The following KCNK13 variants were observed in gnomAD, a reference collection of about 807,000 sequenced individuals.
KCNK13 encodes the protein potassium two pore domain channel subfamily K member 13, also known as potassium channel subfamily K member 13.
Under a neutral mutation model 23.4 loss-of-function variants are expected in KCNK13, and 12 were observed. The observed-to-expected ratio is 0.51, with a 90% CI of 0.33 to 0.83. KCNK13 has a LOEUF of 0.83. Ranked by LOEUF, KCNK13 falls within the 40% of genes least tolerant of loss-of-function variation. KCNK13 has a pLI of 0.02. For synonymous variants in KCNK13, 231 were observed against 229.5 expected, an observed-to-expected ratio of 1.01 and a Z score of -0.06; for missense variants, 463 against 556.3, an observed-to-expected ratio of 0.83 and a Z score of 1.69.
At chr14:90,063,428 AC>A (rs1028521034) in intron 1 of KCNK13, among the ~76,000 whole-genome samples, 3 of 151,924 alleles carry the variant, frequency 2.0e-5, no homozygotes, top group African/African-American at 7.3e-5. Context: ...TCTGCGCCAC[AC>A]CCCTAAAGAT....
intron 1 of KCNK13, among the ~76,000 whole-genome samples, chr14:90,084,411 G>A (rs1196659685): frequency 6.6e-6 from 1 of 152,086 alleles, no homozygotes; most frequent in African/African-American, 2.4e-5. Flanking sequence ...CAAATGAAAT[G>A]GTTTTCTTGA....
intron 1 of KCNK13, among the ~76,000 whole-genome samples, chr14:90,156,413 C>T (rs1455245932): frequency 6.6e-6 from 1 of 151,960 alleles, no homozygotes; most frequent in Non-Finnish European, 1.5e-5. Flanking sequence ...GGAAGAAAAC[C>T]AGAGGAGACT....
intron 1 of KCNK13, among the ~76,000 whole-genome samples, chr14:90,148,900 A>C (rs895318086): frequency 6.6e-6 from 1 of 152,216 alleles, no homozygotes; most frequent in Non-Finnish European, 1.5e-5. Flanking sequence ...AATATTTTGC[A>C]CTGAATTACA....
At chr14:90,098,776 A>T (rs1889440272) in intron 1 of KCNK13, among the ~76,000 whole-genome samples, 1 of 151,960 alleles carries the variant, frequency 6.6e-6, no homozygotes, top group South Asian at 2.1e-4. Context: ...TTTTATATTT[A>T]CCGTTGAAAT....
At chr14:90,090,369 A>G (rs1152441) in intron 1 of KCNK13, among the ~76,000 whole-genome samples, 63,560 of 152,028 alleles carry the variant, frequency 0.42, 13,307 homozygotes, top group African/African-American at 0.44. Context: ...GGGGCCTGTA[A>G]CCCCTTTATT....
rs548640430 is a variant in KCNK13 at position 90,161,569 on chromosome 14, T to A, written c.335-22542T>A. Among the ~76,000 whole-genome samples, 7 of 152,284 alleles carry A rather than the reference T, an allele frequency of 4.6e-5. No homozygotes were observed. In the South Asian group the frequency reaches 1.5e-3, roughly 32 times the overall value. On this transcript the variant is annotated intron_variant, in intron 1 of 1. Transcript: ENST00000282146. ...GAAATGGGAATCAGTGTGACAAGAT[T>A]TGTGCAGAATTCATATGAAGTAATT...
chr14:90,155,878 G>A (rs1408385923), intron 1 of KCNK13, among the ~76,000 whole-genome samples: 1 of 152,124 alleles, frequency 6.6e-6, no homozygotes. Flanking sequence ...CGAGTATGGA[G>A]TTCGGCAGAA....
chr14:90,071,861 G>A (rs1366713661), intron 1 of KCNK13, among the ~76,000 whole-genome samples: 1 of 151,580 alleles, frequency 6.6e-6, no homozygotes, highest in Admixed American at 6.6e-5. Flanking sequence ...TCGCACCACT[G>A]CACTCCAGCC....
intron 1 of KCNK13, among the ~76,000 whole-genome samples, chr14:90,095,245 A>G (rs1889397309): frequency 6.6e-6 from 1 of 152,120 alleles, no homozygotes; most frequent in Non-Finnish European, 1.5e-5. Context: ...TTCTTTTCTC[A>G]GATGTCCTTT....
At chr14:90,102,424 C>G (rs886213854) in intron 1 of KCNK13, among the ~76,000 whole-genome samples, 3 of 152,148 alleles carry the variant, frequency 2.0e-5, no homozygotes, top group African/African-American at 7.2e-5. Flanking sequence ...AAGAATCTTG[C>G]CTGTGCTGCA....
intron 1 of KCNK13, among the ~76,000 whole-genome samples, chr14:90,153,380 T>C (rs140405231): frequency 6.6e-6 from 1 of 152,336 alleles, no homozygotes; most frequent in Non-Finnish European, 1.5e-5. Flanking sequence ...CTCTGTAAAA[T>C]AGAAACTTAA....
rs565234389 is a variant in KCNK13, at chr14:90,141,062, C to G, written c.335-43049C>G. On this transcript the variant is annotated intron_variant, in intron 1 of 1. Coordinates refer to ENST00000282146, the MANE Select transcript of KCNK13 (RefSeq NM_022054.4). ...CCCATCCCCTGGAAATGGGGGTTCT[C>G]CTGGACACTGTAGCTTCCCCAGGTC... Among the ~76,000 whole-genome samples the G allele has an allele frequency of 2.6e-5, 4 of 152,292 alleles. No homozygotes were observed. The South Asian group carries it at 8.3e-4, about 32-fold the overall frequency.
At chr14:90,141,196 A>T (rs2140428001) in intron 1 of KCNK13, among the ~76,000 whole-genome samples, 1 of 152,350 alleles carries the variant, frequency 6.6e-6, no homozygotes, top group East Asian at 1.9e-4. Context: ...GTTTGCCTTC[A>T]ATGCAAACAC....
intron 1 of KCNK13, among the ~76,000 whole-genome samples, chr14:90,154,539 GC>G (rs1178015230): frequency 5.9e-5 from 9 of 152,304 alleles, no homozygotes; most frequent in Admixed American, 5.9e-4. Context: ...TACTAGCCTA[GC>G]CCATCCTGCA....
intron 1 of KCNK13, among the ~76,000 whole-genome samples, chr14:90,078,695 AT>A (rs1223371172): frequency 1.3e-5 from 2 of 152,116 alleles, no homozygotes; most frequent in African/African-American, 4.8e-5. Context: ...GGGTGAGTTG[AT>A]TTCATGGGCT....
At chr14:90,100,311 C>T (rs1322976428) in intron 1 of KCNK13, among the ~76,000 whole-genome samples, 1 of 152,152 alleles carries the variant, frequency 6.6e-6, no homozygotes, top group East Asian at 1.9e-4. Flanking sequence ...TTTTGGTGAC[C>T]TATTTATCAC....
intron 1 of KCNK13, among the ~76,000 whole-genome samples, chr14:90,118,457 TTAA>T (rs1190565337): frequency 3.3e-5 from 5 of 152,222 alleles, no homozygotes; most frequent in African/African-American, 4.8e-5. Flanking sequence ...TTCACTTAGC[TTAA>T]TGTTTTCAAG....
At chr14:90,133,030 C>T (rs933912493) in intron 1 of KCNK13, among the ~76,000 whole-genome samples, 10 of 152,226 alleles carry the variant, frequency 6.6e-5, no homozygotes, top group Admixed American at 1.3e-4. Flanking sequence ...AACGTTTGGA[C>T]GACAGGATCA....
chr14:90,150,156 C>T (rs1890119316), intron 1 of KCNK13, among the ~76,000 whole-genome samples: 1 of 152,082 alleles, frequency 6.6e-6, no homozygotes, highest in African/African-American at 2.4e-5. Flanking sequence ...TAGAAATTTC[C>T]CAGCCAAAGA....
Sources: gnomAD v4.1 joint callset for allele counts (sites outside exome capture counted in the v4.1 genomes callset) on GRCh38, gnomAD v4.1.1 for gene constraint, MANE v1.5 for transcripts, NCBI Gene and HGNC (gene_info 2026-07-23, HGNC 2026-07-21) for gene names.